MAN2A1: variants seen among roughly 807,000 people sequenced by gnomAD.
The protein encoded by MAN2A1 is mannosidase alpha class 2A member 1, also known as alpha-mannosidase 2.
A neutral mutation model predicts 142.6 loss-of-function variants in MAN2A1; 76 were observed. The observed-to-expected ratio is 0.53, with a 90% confidence interval of 0.44 to 0.65. MAN2A1 has a LOEUF of 0.65. Among genes scored for constraint, MAN2A1 ranks in the 30% least tolerant of loss-of-function variants. The pLI, the probability that MAN2A1 is intolerant of heterozygous loss-of-function variation, is 0.00. For missense variants in MAN2A1, 1,311 were observed against 1,365.1 expected (o/e 0.96, Z 0.62); for synonymous variants, 559 against 473.2 (o/e 1.18, Z -2.35).
chr5:109,815,243 T>C (rs937295307), intron 12 of MAN2A1, among the ~76,000 whole-genome samples: 25 of 152,170 alleles, frequency 1.6e-4, no homozygotes, highest in Middle Eastern at 3.4e-3. Context: ...TAATCTCTGG[T>C]AGGAGGGCTG....
intron 16 of MAN2A1, among the ~76,000 whole-genome samples, chr5:109,829,035 G>T (rs1311909213): frequency 2.6e-5 from 4 of 151,850 alleles, no homozygotes; most frequent in Admixed American, 2.0e-4. Flanking sequence ...TGGACAAATG[G>T]AATTAAAAGA....
rs1352709315 is a variant in MAN2A1, at chr5:109,839,619, CTGAACAACATAG to C, written c.2567-2705_2567-2694del. Among the ~76,000 whole-genome samples, 14 of 149,434 alleles carry C rather than the reference CTGAACAACATAG, an allele frequency of 9.4e-5. No homozygotes were observed. The South Asian group carries it at 2.8e-3, about 29-fold the overall frequency. On this transcript the variant is annotated intron_variant, in intron 16 of 21. Coordinates refer to ENST00000261483, the MANE Select transcript of MAN2A1 (RefSeq NM_002372.4). ...TTGAGCCCAGGAGTTCGAGGCCAGC[CTGAACAACATAG>C]TGAGGCCCTGTCTCTCTCTTTTTTT...
intron 16 of MAN2A1, among the ~76,000 whole-genome samples, chr5:109,839,649 CTT>C (rs34820879): frequency 7.3e-5 from 8 of 109,792 alleles, no homozygotes; most frequent in Admixed American, 1.9e-4. Flanking sequence ...CTGTCTCTCT[CTT>C]TTTTTTTTTT....
chr5:109,817,184 GTATA>G, intron 12 of MAN2A1, 85 bp from the exon 13 acceptor site: 11 of 248,194 alleles, frequency 4.4e-5, no homozygotes, highest in Non-Finnish European at 6.1e-5. Context: ...ATATGTATAT[GTATA>G]TGTATATGTA....
intron 2 of MAN2A1, among the ~76,000 whole-genome samples, chr5:109,714,335 C>T (rs1751393865): frequency 6.6e-6 from 1 of 152,082 alleles, no homozygotes; most frequent in South Asian, 2.1e-4. Flanking sequence ...TGTACACACA[C>T]AGTGTTTCAA....
At chr5:109,701,052 G>T (rs114981021) in intron 1 of MAN2A1, among the ~76,000 whole-genome samples, 2,574 of 152,320 alleles carry the variant, frequency 0.017, 27 homozygotes, top group South Asian at 0.046. Context: ...AATGCTAGTT[G>T]TTACCAATGG....
chr5:109,699,255 T>C (rs764670424), intron 1 of MAN2A1, among the ~76,000 whole-genome samples: 13 of 152,324 alleles, frequency 8.5e-5, no homozygotes, highest in Middle Eastern at 3.4e-3. Flanking sequence ...TCAGTTTTTT[T>C]ACATCAACAT....
chr5:109,761,521 A>T (rs965897125), intron 5 of MAN2A1, among the ~76,000 whole-genome samples: 2 of 152,092 alleles, frequency 1.3e-5, no homozygotes, highest in Non-Finnish European at 2.9e-5. Flanking sequence ...TGTTCAGTTA[A>T]AAAGTCATTG....
At chr5:109,696,699 A>G (rs1373313445) in intron 1 of MAN2A1, among the ~76,000 whole-genome samples, 3 of 152,156 alleles carry the variant, frequency 2.0e-5, no homozygotes, top group Non-Finnish European at 4.4e-5. Context: ...ACTGCTCTCA[A>G]TATCCTCTGG....
At chr5:109,821,412 T>C (rs1038945800) in intron 15 of MAN2A1, among the ~76,000 whole-genome samples, 2 of 152,200 alleles carry the variant, frequency 1.3e-5, no homozygotes, top group African/African-American at 4.8e-5. Flanking sequence ...ACAATGCAAT[T>C]CTGATTAATT....
chr5:109,845,201 A>G (rs1238170428), intron 17 of MAN2A1, among the ~76,000 whole-genome samples: 2 of 152,272 alleles, frequency 1.3e-5, no homozygotes, highest in Admixed American at 6.5e-5. Context: ...CTGAGCTTAG[A>G]GTCAGTCACT....
At chr5:109,721,138 T>A (rs1426092924) in intron 3 of MAN2A1, among the ~76,000 whole-genome samples, 2 of 152,234 alleles carry the variant, frequency 1.3e-5, no homozygotes, top group African/African-American at 4.8e-5. Context: ...GCAGCGAGGC[T>A]AAGTTAGGGT....
At chr5:109,696,136 A>G (rs1355549457) in intron 1 of MAN2A1, among the ~76,000 whole-genome samples, 1 of 151,346 alleles carries the variant, frequency 6.6e-6, no homozygotes, top group East Asian at 1.9e-4. Context: ...GAGTCTCACT[A>G]TGTTGGCAGA....
intron 4 of MAN2A1, among the ~76,000 whole-genome samples, chr5:109,736,514 C>T (rs1472679697): frequency 6.6e-6 from 1 of 151,872 alleles, no homozygotes; most frequent in African/African-American, 2.4e-5. Flanking sequence ...AAGACCGGAA[C>T]TCTAAAAAAA....
chr5:109,846,127 T>C, intron 18 of MAN2A1, 121 bp downstream of exon 18: 1 of 883,054 alleles, frequency 1.1e-6, no homozygotes. Flanking sequence ...TTTCAGCTTT[T>C]TTCTTTCAAC....
At chr5:109,775,032 C>A in intron 8 of MAN2A1, 67 bp downstream of exon 8, 1 of 1,086,662 alleles carries the variant, frequency 9.2e-7, no homozygotes, top group Non-Finnish European at 1.3e-6. Flanking sequence ...AGACTATAAA[C>A]AGAAATCCTT....
At chr5:109,710,630 G>A (rs1033159513) in intron 1 of MAN2A1, among the ~76,000 whole-genome samples, 1 of 151,758 alleles carries the variant, frequency 6.6e-6, no homozygotes. Context: ...TCAGCCTTCC[G>A]AGTATCTGGG....
At chr5:109,779,830 C>T (rs951408227) in intron 8 of MAN2A1, among the ~76,000 whole-genome samples, 1 of 152,074 alleles carries the variant, frequency 6.6e-6, no homozygotes, top group Non-Finnish European at 1.5e-5. Context: ...ACATTGGCTA[C>T]ACCAAATTGA....
intron 16 of MAN2A1, among the ~76,000 whole-genome samples, chr5:109,832,743 G>T (rs1049477760): frequency 2.0e-5 from 3 of 151,458 alleles, no homozygotes. Context: ...CTTCCCTCCC[G>T]GATGGGGCGG....
Sources: gnomAD v4.1 joint callset for allele counts (sites outside exome capture counted in the v4.1 genomes callset) on GRCh38, gnomAD v4.1.1 for gene constraint, MANE v1.5 for transcripts, NCBI Gene and HGNC (gene_info 2026-07-23, HGNC 2026-07-21) for gene names.